Variants in CHMP2A observed in about 807,000 individuals in gnomAD.
CHMP2A encodes the protein charged multivesicular body protein 2A.
CHMP2A carries 6 observed loss-of-function variants against 21.8 expected under a neutral mutation model. The ratio of observed to expected loss-of-function variants is 0.28; its 90% CI spans 0.15 to 0.54. The LOEUF (loss-of-function observed/expected upper bound fraction) is 0.54. Among genes scored for constraint, CHMP2A ranks in the 20% least tolerant of loss-of-function variants. The pLI is 0.95. For missense variants in CHMP2A, 303 were observed against 293.9 expected, an observed-to-expected ratio of 1.03 and a Z score of -0.23; for synonymous variants, 125 against 107.0, an observed-to-expected ratio of 1.17 and a Z score of -1.04.
intron 2 of CHMP2A, 168 bp downstream of exon 2, chr19:58,553,877 C>A: frequency 1.3e-6 from 1 of 782,330 alleles, no homozygotes; most frequent in South Asian, 1.5e-5. Context: ...GATCTCATAC[C>A]AGTTCCTTGG....
At chr19:58,554,604 G>T in intron 1 of CHMP2A, 1 of 223,404 alleles carries the variant, frequency 4.5e-6, no homozygotes. Context: ...GGAGACTGTG[G>T]GCACCGAGGA....
chr19:58,554,656 G>A (rs904936334), intron 1 of CHMP2A: 38 of 177,676 alleles, frequency 2.1e-4, no homozygotes, highest in Non-Finnish European at 6.0e-5. Flanking sequence ...GACAGGATGG[G>A]CGGAAACGCT....
At chr19:58,552,575 C>G (rs562966720) in intron 2 of CHMP2A, 137 bp from the exon 3 acceptor site, 2 of 827,538 alleles carry the variant, frequency 2.4e-6, no homozygotes, top group Admixed American at 2.6e-5. Flanking sequence ...CTGGCTAACC[C>G]AATGGTCACT....
chr19:58,551,862 T>C, intron 5 of CHMP2A, 44 bp downstream of exon 5: 1 of 1,614,074 alleles, frequency 6.2e-7, no homozygotes, highest in East Asian at 2.2e-5. Context: ...GAGCTGTGGC[T>C]GGGCCTTGGG....
At chr19:58,553,494 GC>G (rs2053856907) in intron 2 of CHMP2A, among the ~76,000 whole-genome samples, 1 of 150,442 alleles carries the variant, frequency 6.6e-6, no homozygotes. Context: ...CCTCAGCCCT[GC>G]TGAGTAGCTG....
In CHMP2A at chr19:58,551,688, T is replaced by TGCATCA; in HGVS notation, c.624_629dup (p.Ala210_Asp211dup). The stretch of plus-strand genomic sequence containing the variant: ...GGTTCTTAAGCCGTTCCTCCAGGTC[T>TGCATCA]GCATCAGCATCAGCTAGGGCTGAGG... On this transcript the variant is annotated inframe_insertion, in exon 6 of 6. Transcript: ENST00000312547. 1 of 1,614,142 alleles carries TGCATCA rather than the reference T, an allele frequency of 6.2e-7. No individual in the cohort carries two copies.
chr19:58,552,459 T>C (rs2053843258), intron 2 of CHMP2A, 21 bp from the exon 3 acceptor site: 3 of 1,606,916 alleles, frequency 1.9e-6, no homozygotes, highest in Non-Finnish European at 2.6e-6. Context: ...GACAAGGGTA[T>C]CAAGGACACA....
In CHMP2A at chr19:58,551,600, G is replaced by A; in HGVS notation, c.*49C>T. 1 of 1,586,982 alleles carries A rather than the reference G, an allele frequency of 6.3e-7. No individual in the cohort carries two copies. The highest frequency in any genetic ancestry group is 8.6e-7 in the Non-Finnish European group (1 of 1,159,998). On this transcript the variant is annotated 3_prime_UTR_variant, in exon 6 of 6. Transcript: ENST00000312547. ...ATCTCTTTTATTACAGAGGGGTTGT[G>A]GTAAAAGATCCTGGGCATCCACTGG...
At chr19:58,552,497 C>T (rs1212197717) in intron 2 of CHMP2A, 59 bp from the exon 3 acceptor site, 4 of 1,534,708 alleles carry the variant, frequency 2.6e-6, no homozygotes, top group Non-Finnish European at 2.7e-6. Flanking sequence ...CACTTCTTGA[C>T]ACCCCATTAG....
At chr19:58,552,689 A>C (rs1460246398) in intron 2 of CHMP2A, among the ~76,000 whole-genome samples, 3 of 152,152 alleles carry the variant, frequency 2.0e-5, no homozygotes, top group Non-Finnish European at 4.4e-5. Flanking sequence ...TGTAAATGGT[A>C]AAAGAAAGGC....
chr19:58,552,144 C>T lies in CHMP2A; in HGVS notation c.390G>A (p.Glu130=). The part of the protein sequence containing the change: ...PQIQKIMMEF[E]RQAEIMDMKE... ...TCATATCCATGATCTCTGCCTGCCGCTCAAACTCCATCATGATCTTCTGGA... is the reference window on the plus strand; with the variant it reads ...TCATATCCATGATCTCTGCCTGCCGTTCAAACTCCATCATGATCTTCTGGA... Residue 130 remains glutamate, a synonymous_variant, in exon 4 of 6, where the codon GAG becomes GAA. Coordinates refer to ENST00000312547, the MANE Select transcript of CHMP2A (RefSeq NM_014453.4). The T allele has an allele frequency of 1.2e-6, 2 of 1,614,234 alleles. No individual in the cohort carries two copies. The highest frequency in any genetic ancestry group is 1.7e-6 in the Non-Finnish European group (2 of 1,180,048).
At position 58,553,907 on chromosome 19, in the gene CHMP2A, C is replaced by G; in HGVS notation, c.168+138G>C. ...CCTTGGAGGCAGCCTTCCAGACCCT[C>G]AAACTAGGGAAGCCCTGCTGACCTT... On this transcript the variant is annotated intron_variant, in intron 2 of 5. Transcript: ENST00000312547. The G allele has an allele frequency of 2.6e-6, 3 of 1,148,874 alleles. No homozygotes were observed. In the South Asian group the frequency reaches 3.7e-5, roughly 14 times the overall value. 71.2% of individuals were successfully genotyped at this position (1,148,874 alleles called of 1,614,324 possible). A position where few individuals can be genotyped will look rare whatever the true frequency, so the allele number is the denominator to read the frequency against.
At chr19:58,553,829 C>G (rs2053860745) in intron 2 of CHMP2A, 1 of 610,866 alleles carries the variant, frequency 1.6e-6, no homozygotes, top group Non-Finnish European at 2.9e-6. Context: ...ACATTCCCTG[C>G]CCAGATCTGT....
chr19:58,551,762 C>T lies in CHMP2A; in HGVS notation c.556G>A (p.Gly186Arg), dbSNP rs2053828397. The stretch of plus-strand genomic sequence containing the variant: ...CCAGCAGCCACACTAAGCGAGCCCC[C>T]AGTTGAGGGGAGGTCTGCAGAGAAA... ...TDELSNLPST[G>R]GSLSVAAGGK... The change falls in exon 6 of 6, where the codon GGG becomes AGG. Residue 186 changes from glycine to arginine, a missense_variant. Gly to Arg is a moderately radical substitution (Grantham distance 125). Transcript: ENST00000312547. The T allele has an allele frequency of 6.2e-7, 1 of 1,614,102 alleles. No homozygotes were observed. Among genetic ancestry groups the T allele is most frequent in the East Asian group, 2.2e-5 (1 of 44,882 alleles).
chr19:58,553,649 A>T, intron 2 of CHMP2A: 1 of 266,448 alleles, frequency 3.8e-6, no homozygotes, highest in Non-Finnish European at 7.3e-6. Flanking sequence ...CTGGGATTAC[A>T]GGTCTCTGAG....
intron 3 of CHMP2A, 21 bp from the exon 4 acceptor site, chr19:58,552,206 A>AGT: frequency 6.2e-7 from 1 of 1,614,074 alleles, no homozygotes; most frequent in Non-Finnish European, 8.5e-7. Context: ...CAGGAGTGTG[A>AGT]GTGTGATCCC....
At chr19:58,553,649 A>C (rs979086560) in intron 2 of CHMP2A, 1 of 266,330 alleles carries the variant, frequency 3.8e-6, no homozygotes, top group Non-Finnish European at 7.3e-6. Flanking sequence ...CTGGGATTAC[A>C]GGTCTCTGAG....
chr19:58,552,485 T>C, intron 2 of CHMP2A, 47 bp from the exon 3 acceptor site: 1 of 1,571,254 alleles, frequency 6.4e-7, no homozygotes, highest in Admixed American at 1.7e-5. Flanking sequence ...GAGATTATCC[T>C]ACACTTCTTG....
intron 2 of CHMP2A, 70 bp downstream of exon 2, chr19:58,553,963 TGTTTGGTGTCTG>T: frequency 1.3e-6 from 2 of 1,559,658 alleles, no homozygotes; most frequent in Non-Finnish European, 1.8e-6. Flanking sequence ...AAAGCACCTG[TGTTTGGTGTCTG>T]GTCTCTCTTG....
Sources: allele counts gnomAD v4.1 joint callset (sites outside exome capture counted in the v4.1 genomes callset), GRCh38; gene constraint gnomAD v4.1.1; transcripts MANE v1.5; gene names NCBI Gene and HGNC (gene_info 2026-07-23, HGNC 2026-07-21).